TLR6: variants seen among roughly 807,000 people sequenced by gnomAD.
The protein encoded by TLR6 is toll-like receptor 6.
A neutral mutation model predicts 16.1 loss-of-function variants in TLR6; 9 were observed. That is an observed-to-expected ratio of 0.56 (90% CI 0.34 to 0.98). The LOEUF is 0.98. TLR6 is among the 50% of genes least tolerant of loss of function. TLR6 has a pLI of 0.02. For missense variants in TLR6, 786 were observed against 921.0 expected (o/e 0.85, Z 1.90); for synonymous variants, 340 against 338.6 (o/e 1.00, Z -0.04).
intron 1 of TLR6, among the ~76,000 whole-genome samples, chr4:38,833,157 C>T (rs1408504917): frequency 6.6e-6 from 1 of 152,190 alleles, no homozygotes; most frequent in Non-Finnish European, 1.5e-5. Context: ...ACAGTTAATG[C>T]CACACAAATT....
intron 1 of TLR6, among the ~76,000 whole-genome samples, chr4:38,843,191 G>A (rs1272001653): frequency 1.3e-5 from 2 of 152,214 alleles, no homozygotes; most frequent in African/African-American, 4.8e-5. Context: ...AGGGCGGCAG[G>A]TGCATGAGCC....
At chr4:38,824,381 C>T (rs905677863) in exon 2 of TLR6, 2 of 152,172 alleles carry the variant, frequency 1.3e-5, no homozygotes, top group Non-Finnish European at 2.9e-5. Context: ...AAGAATGTGA[C>T]GGAGAGGACT....
chr4:38,823,564 C>A (rs1406193845), downstream of TLR6, among the ~76,000 whole-genome samples: 1 of 152,118 alleles, frequency 6.6e-6, no homozygotes, highest in African/African-American at 2.4e-5. Context: ...GAACTGAAAA[C>A]GTGTTGAGGC....
chr4:38,836,952 A>C (rs1190677354), intron 1 of TLR6, among the ~76,000 whole-genome samples: 2 of 151,908 alleles, frequency 1.3e-5, no homozygotes, highest in Non-Finnish European at 2.9e-5. Context: ...AAAAAAAAAA[A>C]AAGAAAAAAG....
the TLR6 span, among the ~76,000 whole-genome samples, chr4:38,866,271 C>T: frequency 4.4e-4 from 67 of 151,380 alleles, no homozygotes; most frequent in Non-Finnish European, 4.6e-4. Flanking sequence ...GTGGGTGGAT[C>T]ACCTGAGGTC....
chr4:38,862,156 A>G, the TLR6 span, among the ~76,000 whole-genome samples: 1 of 152,170 alleles, frequency 6.6e-6, no homozygotes, highest in Non-Finnish European at 1.5e-5. Flanking sequence ...CTCTGTGCCA[A>G]GAGCCAGCCC....
intron 1 of TLR6, among the ~76,000 whole-genome samples, chr4:38,853,121 A>G (rs929336076): frequency 6.0e-5 from 9 of 149,404 alleles, no homozygotes; most frequent in African/African-American, 2.3e-4. Flanking sequence ...CTCGTAAACT[A>G]TCGCAAGGAC....
At chr4:38,848,795 A>ATGTC (rs1417354678) in intron 1 of TLR6, among the ~76,000 whole-genome samples, 1 of 152,210 alleles carries the variant, frequency 6.6e-6, no homozygotes, top group African/African-American at 2.4e-5. Context: ...GGCCAAATCT[A>ATGTC]TGTCTGATTG....
intron 1 of TLR6, among the ~76,000 whole-genome samples, chr4:38,842,780 T>G (rs1025912362): frequency 1.3e-5 from 2 of 152,108 alleles, no homozygotes; most frequent in Non-Finnish European, 2.9e-5. Flanking sequence ...ATCACGTTGG[T>G]AATTAGGTTT....
At chr4:38,841,427 C>CA (rs1712255551) in intron 1 of TLR6, among the ~76,000 whole-genome samples, 3 of 152,120 alleles carry the variant, frequency 2.0e-5, no homozygotes, top group South Asian at 4.2e-4. Context: ...CCTGTCTCTA[C>CA]AAAAAATACA....
At chr4:38,859,698 G>A (rs1294556479), upstream of TLR6, among the ~76,000 whole-genome samples, 1 of 150,904 alleles carries the variant, frequency 6.6e-6, no homozygotes, top group Non-Finnish European at 1.5e-5. Context: ...CCAAGGATCT[G>A]AGACCACAGG....
At chr4:38,838,164 G>A (rs1712034811) in intron 1 of TLR6, among the ~76,000 whole-genome samples, 1 of 152,184 alleles carries the variant, frequency 6.6e-6, no homozygotes, top group South Asian at 2.1e-4. Flanking sequence ...AATTAGTACA[G>A]CCATTATGGA....
At chr4:38,860,631 C>T (rs893841582), upstream of TLR6, among the ~76,000 whole-genome samples, 4 of 151,470 alleles carry the variant, frequency 2.6e-5, no homozygotes, top group Non-Finnish European at 4.4e-5. Context: ...ATAAAGATTT[C>T]CTACAAATCA....
At chr4:38,867,704 T>TGGGGCGGGGCGCAGGC in the TLR6 span, 10 of 151,148 alleles carry the variant, frequency 6.6e-5, no homozygotes, top group South Asian at 8.3e-4. Context: ...GCGCTCCTCG[T>TGGGGCGGGGCGCAGGC]GGGGCGGGGC....
intron 1 of TLR6, among the ~76,000 whole-genome samples, chr4:38,840,062 G>C (rs1489927608): frequency 6.6e-6 from 1 of 152,228 alleles, no homozygotes; most frequent in African/African-American, 2.4e-5. Context: ...GGAATTAGGT[G>C]TGATCAAGGC....
exon 2 of TLR6, chr4:38,828,108 C>A: frequency 6.2e-7 from 1 of 1,614,228 alleles, no homozygotes; most frequent in African/African-American, 1.3e-5. Context: ...CTGTGAAGAT[C>A]AAGTACCTTG....
Position 38,829,990 on chromosome 4 carries a change from G to C in TLR6, c.-64-453C>G, listed in dbSNP as rs188649577. On this transcript the variant is annotated intron_variant, in intron 1 of 1. Transcript: ENST00000436693. ...GATATATGGAGAAAGATATGTGGGA[G>C]AAAAAAGGCTGAGGAAATCTCTGTA... 1.4e-4 allele frequency among the ~76,000 whole-genome samples: 22 copies of C among 152,318 alleles called. 1 individual carries two copies. The highest frequency in any genetic ancestry group is 8.5e-4 in the Admixed American group (13 of 15,298).
intron 1 of TLR6, among the ~76,000 whole-genome samples, chr4:38,839,212 A>G (rs1456717584): frequency 6.6e-6 from 1 of 152,054 alleles, no homozygotes; most frequent in Admixed American, 6.5e-5. Flanking sequence ...GAAAAAGCTA[A>G]ATACTATTTT....
chr4:38,842,485 C>T (rs1475260583), intron 1 of TLR6, among the ~76,000 whole-genome samples: 4 of 152,184 alleles, frequency 2.6e-5, no homozygotes, highest in African/African-American at 7.2e-5. Flanking sequence ...CCACAGATCC[C>T]ATGTTTGTGA....
Sources: allele counts gnomAD v4.1 joint callset (sites outside exome capture counted in the v4.1 genomes callset), GRCh38; gene constraint gnomAD v4.1.1; transcripts MANE v1.5; gene names NCBI Gene and HGNC (gene_info 2026-07-23, HGNC 2026-07-21).